Variants in F13A1 observed in about 807,000 individuals in gnomAD.
The protein encoded by F13A1 is FSF, A subunit.
F13A1 carries 47 observed loss-of-function variants against 80.1 expected under a neutral mutation model. The ratio of observed to expected loss-of-function variants is 0.59; its 90% CI spans 0.46 to 0.75. F13A1 has a LOEUF of 0.75. Among genes scored for constraint, F13A1 ranks in the 30% least tolerant of loss-of-function variants. The probability of loss-of-function intolerance (pLI) is 0.00; values close to 1 mark genes in which losing one functional copy is unlikely to be tolerated. For missense variants in F13A1, 817 were observed against 930.4 expected (o/e 0.88, Z 1.59); for synonymous variants, 349 against 344.9 (o/e 1.01, Z -0.13).
intron 2 of F13A1, among the ~76,000 whole-genome samples, chr6:6,307,509 A>G (rs1173453959): frequency 3.3e-5 from 5 of 152,202 alleles, no homozygotes; most frequent in Admixed American, 6.5e-5. Flanking sequence ...GAGCTTAGCA[A>G]TCAACTCCTC....
intron 4 of F13A1, among the ~76,000 whole-genome samples, chr6:6,255,684 T>C (rs1757694589): frequency 6.6e-6 from 1 of 152,094 alleles, no homozygotes; most frequent in Non-Finnish European, 1.5e-5. Context: ...CAAAGCATGA[T>C]AGAGAGGAGT....
Position 6,250,411 on chromosome 6 carries a change from TAA to T in F13A1, c.690+398_690+399del, listed in dbSNP as rs35484963. Among the ~76,000 whole-genome samples, 2,605 of 144,836 alleles carry T rather than the reference TAA, an allele frequency of 0.018. 67 individuals are homozygous for T. The highest frequency in any genetic ancestry group is 0.13 in the East Asian group (639 of 4,816). ...ATTAGCAGTACCCTAGGCTAACACT[TAA>T]AAAAAAAAAAAAAGAAGCTATTTCT... On this transcript the variant is annotated intron_variant, in intron 5 of 14. Coordinates refer to ENST00000264870, the MANE Select transcript of F13A1 (RefSeq NM_000129.4). This position sits in a 1 kb window ranked among gnomAD's most constrained non-coding sequence, Gnocchi z 4.2.
intron 2 of F13A1, among the ~76,000 whole-genome samples, chr6:6,308,606 C>CTTTTTTTTTTTTTTTTTTTTTTTTT (rs770570204): frequency 2.3e-5 from 2 of 88,852 alleles, no homozygotes; most frequent in Non-Finnish European, 4.1e-5. Context: ...AAAACACATT[C>CTTTTTTTTTTTTTTTTTTTTTTTTT]TTTTTTTTTT....
chr6:6,245,004 CCTCA>C (rs1583091407), intron 6 of F13A1, among the ~76,000 whole-genome samples: 3 of 152,228 alleles, frequency 2.0e-5, no homozygotes, highest in East Asian at 3.9e-4. Flanking sequence ...GTGCTGTCAT[CCTCA>C]CTAAGGGTGA....
chr6:6,185,015 C>T (rs1036119797), intron 10 of F13A1, among the ~76,000 whole-genome samples: 2 of 152,048 alleles, frequency 1.3e-5, no homozygotes, highest in Non-Finnish European at 2.9e-5. Context: ...GAATGATTGG[C>T]CCCACCCAAA....
chr6:6,287,872 G>C (rs1386743844), intron 3 of F13A1, among the ~76,000 whole-genome samples: 1 of 152,194 alleles, frequency 6.6e-6, no homozygotes, highest in Non-Finnish European at 1.5e-5. Flanking sequence ...CAGAATGGAT[G>C]TAACAAGGAG....
intron 2 of F13A1, among the ~76,000 whole-genome samples, chr6:6,313,794 TAA>T (rs1020034215): frequency 2.6e-5 from 4 of 152,192 alleles, no homozygotes; most frequent in African/African-American, 9.7e-5. Context: ...GCTTAATTTA[TAA>T]AGTGTTGTTA....
intron 12 of F13A1, among the ~76,000 whole-genome samples, chr6:6,173,002 A>G (rs868824877): frequency 1.3e-5 from 2 of 152,104 alleles, no homozygotes; most frequent in Admixed American, 1.3e-4. Context: ...TTGCTTTGTC[A>G]AAATTATTAT....
At chr6:6,232,496 A>G (rs1757366008) in intron 6 of F13A1, among the ~76,000 whole-genome samples, 1 of 152,210 alleles carries the variant, frequency 6.6e-6, no homozygotes, top group Non-Finnish European at 1.5e-5. Flanking sequence ...CAGTAAGACA[A>G]TAGTAGTGGA....
chr6:6,207,770 T>C (rs1244566436), intron 8 of F13A1, among the ~76,000 whole-genome samples: 1 of 152,188 alleles, frequency 6.6e-6, no homozygotes, highest in Non-Finnish European at 1.5e-5. Flanking sequence ...GAAATCTCTG[T>C]CCAATTGTTA....
At chr6:6,157,281 G>A (rs573574808) in intron 13 of F13A1, among the ~76,000 whole-genome samples, 28 of 152,216 alleles carry the variant, frequency 1.8e-4, no homozygotes, top group Middle Eastern at 3.4e-3. Context: ...TTCTGTTTAC[G>A]TGAAATTGAA....
At chr6:6,297,523 GT>G (rs1246653729) in intron 3 of F13A1, among the ~76,000 whole-genome samples, 1 of 150,882 alleles carries the variant, frequency 6.6e-6, no homozygotes, top group Non-Finnish European at 1.5e-5. Context: ...AGATTTTCTA[GT>G]TTATTTGCAT....
chr6:6,220,899 T>A (rs1757183891), intron 8 of F13A1, among the ~76,000 whole-genome samples: 1 of 152,186 alleles, frequency 6.6e-6, no homozygotes, highest in Non-Finnish European at 1.5e-5. Context: ...ATTTCAACAT[T>A]CTCCAATGAA....
chr6:6,266,890 A>C (rs1757853203), intron 3 of F13A1, 81 bp from the exon 4 acceptor site: 1 of 1,561,648 alleles, frequency 6.4e-7, no homozygotes, highest in Non-Finnish European at 8.8e-7. Flanking sequence ...TTATAGCTGA[A>C]GGGACAGGAG....
intron 8 of F13A1, among the ~76,000 whole-genome samples, chr6:6,219,094 A>T (rs1366072861): frequency 3.9e-5 from 6 of 152,118 alleles, no homozygotes; most frequent in Non-Finnish European, 5.9e-5. Flanking sequence ...TGGAGAGGAG[A>T]GGGGCCCCAG....
At chr6:6,222,914 C>T (rs3024412) in intron 7 of F13A1, among the ~76,000 whole-genome samples, 4,478 of 152,220 alleles carry the variant, frequency 0.029, 187 homozygotes, top group African/African-American at 0.097. Context: ...TCAAGGGTCC[C>T]CCTCCTTAAA....
intron 8 of F13A1, among the ~76,000 whole-genome samples, chr6:6,208,440 G>C (rs558704292): frequency 1.3e-5 from 2 of 152,210 alleles, no homozygotes; most frequent in East Asian, 3.9e-4. Flanking sequence ...TTTCCTAATG[G>C]GAGTCCCAGA....
At chr6:6,265,041 G>A (rs1757825452) in intron 4 of F13A1, among the ~76,000 whole-genome samples, 1 of 152,190 alleles carries the variant, frequency 6.6e-6, no homozygotes, top group African/African-American at 2.4e-5. Context: ...CAGGAGCACT[G>A]CTTGAGCCCA....
chr6:6,199,950 T>TG (rs1176858386), intron 8 of F13A1, among the ~76,000 whole-genome samples: 1 of 152,060 alleles, frequency 6.6e-6, no homozygotes, highest in African/African-American at 2.4e-5. Flanking sequence ...TCGGATGAGT[T>TG]GGGGAAGACT....
Sources: allele counts gnomAD v4.1 joint callset (sites outside exome capture counted in the v4.1 genomes callset), GRCh38; gene constraint gnomAD v4.1.1; non-coding constraint Gnocchi (gnomAD v3.1); transcripts MANE v1.5; gene names NCBI Gene and HGNC (gene_info 2026-07-23, HGNC 2026-07-21).